The following LRRC71 variants were observed in gnomAD, a reference collection of about 807,000 sequenced individuals.
LRRC71 encodes leucine rich repeat containing 71.
LRRC71 carries 54 observed loss-of-function variants against 66.6 expected under a neutral mutation model. The observed-to-expected ratio is 0.81, with a 90% CI of 0.65 to 1.02. The LOEUF is 1.02. Ranked by LOEUF, LRRC71 falls within the 50% of genes least tolerant of loss-of-function variation. LRRC71 has a pLI of 0.00. For missense variants in LRRC71, 724 were observed against 718.0 expected, an observed-to-expected ratio of 1.01 and a Z score of -0.10; for synonymous variants, 323 against 303.9, an observed-to-expected ratio of 1.06 and a Z score of -0.65.
downstream of LRRC71, among the ~76,000 whole-genome samples, chr1:156,936,497 A>AATATATATATATATATAT (rs1553192804): frequency 1.2e-4 from 4 of 33,928 alleles, no homozygotes; most frequent in East Asian, 2.2e-3. Context: ...AAAAAAAAAA[A>AATATATATATATATATAT]ATATATATAT....
downstream of LRRC71, among the ~76,000 whole-genome samples, chr1:156,936,493 A>ATATATATATATATAT (rs1481502478): frequency 1.6e-5 from 1 of 62,402 alleles, no homozygotes; most frequent in East Asian, 1.1e-3. Flanking sequence ...AAAAAAAAAA[A>ATATATATATATATAT]AAAAATATAT....
At chr1:156,930,726 G>A in intron 12 of LRRC71, 109 bp downstream of exon 12, 1 of 1,015,944 alleles carries the variant, frequency 9.8e-7, no homozygotes, top group Non-Finnish European at 1.5e-6. Context: ...GCCCCATGCT[G>A]TGGCAGCAGC....
the LRRC71 span, chr1:156,938,337 T>A: frequency 7.6e-7 from 1 of 1,323,704 alleles, no homozygotes; most frequent in South Asian, 1.3e-5. Flanking sequence ...TGTGTGACCA[T>A]GGGCAGGGGT....
intron 11 of LRRC71, 39 bp downstream of exon 11, chr1:156,929,768 G>A: frequency 6.6e-7 from 1 of 1,512,234 alleles, no homozygotes; most frequent in Non-Finnish European, 9.0e-7. Context: ...TTCCTGTGTG[G>A]AGGAGGGAAG....
At chr1:156,923,635 G>T (rs895664679) in intron 1 of LRRC71, among the ~76,000 whole-genome samples, 1 of 152,192 alleles carries the variant, frequency 6.6e-6, no homozygotes, top group African/African-American at 2.4e-5. Flanking sequence ...GGGACACCTG[G>T]GAAAGGCGGA....
At chr1:156,929,847 C>T in intron 11 of LRRC71, 118 bp downstream of exon 11, 3 of 781,960 alleles carry the variant, frequency 3.8e-6, no homozygotes, top group Non-Finnish European at 6.1e-6. Flanking sequence ...TCTCGCCATG[C>T]CCCTCTGGGC....
downstream of LRRC71, chr1:156,937,337 C>T: frequency 2.5e-6 from 4 of 1,613,618 alleles, no homozygotes; most frequent in Non-Finnish European, 3.4e-6. Flanking sequence ...AGGAGAGCGG[C>T]TGGGGCGTCT....
chr1:156,932,284 C>A, intron 13 of LRRC71, 140 bp from the exon 14 acceptor site: 1 of 713,692 alleles, frequency 1.4e-6, no homozygotes, highest in South Asian at 1.7e-5. Context: ...GAGTGAAGGG[C>A]TAGGTCAGGG....
At chr1:156,933,163 C>A (rs1654642565), downstream of LRRC71, 1 of 523,016 alleles carries the variant, frequency 1.9e-6, no homozygotes, top group East Asian at 3.1e-5. Flanking sequence ...ATGTTACATG[C>A]CAGGAATGGC....
At chr1:156,936,981 GCTCT>G (rs1436633884), downstream of LRRC71, 1 of 1,614,082 alleles carries the variant, frequency 6.2e-7, no homozygotes, top group Admixed American at 1.7e-5. Context: ...GACTTGAGCA[GCTCT>G]CTGTGGGCCA....
At chr1:156,936,194 T>G, downstream of LRRC71, 3 of 955,250 alleles carry the variant, frequency 3.1e-6, no homozygotes, top group Non-Finnish European at 5.2e-6. Flanking sequence ...CAGTTTCTCG[T>G]AGGGCTTGAA....
chr1:156,924,377 G>T, intron 2 of LRRC71, 47 bp from the exon 3 acceptor site: 1 of 1,532,058 alleles, frequency 6.5e-7, no homozygotes. Context: ...CCCGGCGTGG[G>T]GCCCTGGAGG....
At position 156,927,736 on chromosome 1, in the gene LRRC71, C is replaced by T. The variant is rs749526701; in HGVS notation, c.826C>T (p.Leu276Phe). The part of the protein sequence containing the change: ...DEGAGYIADG[L>F]RLNRSLLWLS... ...CGCGTCCCTGCCCGCCTCTTAGGGC[C>T]TCCGGCTGAACCGTTCCCTGCTCTG... is the stretch of plus-strand genomic sequence containing the variant. The change falls in exon 8 of 15, where the codon CTC becomes TTC. Residue 276 changes from leucine (L) to phenylalanine (F), a missense_variant. Leu to Phe is a conservative substitution (Grantham distance 22). Transcript: ENST00000337428. The T allele has an allele frequency of 9.3e-6, 15 of 1,609,234 alleles. No homozygotes were observed. The Admixed American group carries it at 2.0e-4, about 21-fold the overall frequency.
At chr1:156,936,497 A>AAAAAATATATATAT (rs370282821), downstream of LRRC71, among the ~76,000 whole-genome samples, 1 of 33,938 alleles carries the variant, frequency 2.9e-5, no homozygotes, top group Non-Finnish European at 4.6e-5. Context: ...AAAAAAAAAA[A>AAAAAATATATATAT]ATATATATAT....
chr1:156,935,863 G>A, downstream of LRRC71: 1 of 990,328 alleles, frequency 1.0e-6, no homozygotes, highest in Non-Finnish European at 1.5e-6. Context: ...CTCCCCCCGG[G>A]CCTTGGCTGG....
At chr1:156,933,665 T>C (rs569027283), downstream of LRRC71, among the ~76,000 whole-genome samples, 5 of 152,350 alleles carry the variant, frequency 3.3e-5, no homozygotes, top group African/African-American at 1.2e-4. Flanking sequence ...GTTCCTGAGC[T>C]GAGTCAGGGT....
downstream of LRRC71, chr1:156,937,367 T>C (rs768295481): frequency 1.2e-6 from 2 of 1,611,140 alleles, no homozygotes; most frequent in Non-Finnish European, 1.7e-6. Context: ...GTTGCCTCCC[T>C]GCAGCTGAGG....
chr1:156,934,713 G>C (rs1030843138), downstream of LRRC71: 1 of 151,848 alleles, frequency 6.6e-6, no homozygotes, highest in African/African-American at 2.4e-5. Context: ...GGAGGGAACA[G>C]GCAAGATCTG....
chr1:156,934,330 CAG>C (rs946621763), downstream of LRRC71, among the ~76,000 whole-genome samples: 15 of 152,062 alleles, frequency 9.9e-5, no homozygotes, highest in African/African-American at 3.6e-4. Context: ...TGCCAGGAGA[CAG>C]AGGTGAATGG....
Sources: allele counts gnomAD v4.1 joint callset (sites outside exome capture counted in the v4.1 genomes callset), GRCh38; gene constraint gnomAD v4.1.1; transcripts MANE v1.5; gene names NCBI Gene and HGNC (gene_info 2026-07-23, HGNC 2026-07-21).